The following ALK variants were observed in gnomAD, a reference collection of about 807,000 sequenced individuals.
ALK encodes ALK receptor tyrosine kinase.
In ALK, 74 loss-of-function variants were observed where a neutral mutation model predicts 163.1. That is an observed-to-expected ratio of 0.45 (90% CI 0.38 to 0.55). The LOEUF is 0.55. Ranked by LOEUF, ALK falls within the 20% of genes least tolerant of loss-of-function variation. The probability of loss-of-function intolerance (pLI) is 0.00; values close to 1 mark genes in which losing one functional copy is unlikely to be tolerated. For synonymous variants in ALK, 960 were observed against 843.2 expected, an observed-to-expected ratio of 1.14 and a Z score of -2.40; for missense variants, 2,063 against 2,105.3, an observed-to-expected ratio of 0.98 and a Z score of 0.39.
intron 4 of ALK, among the ~76,000 whole-genome samples, chr2:29,433,482 G>C (rs140260339): frequency 6.6e-6 from 1 of 152,302 alleles, no homozygotes; most frequent in East Asian, 1.9e-4. Flanking sequence ...TCGAGGCCTT[G>C]CTGAAGTGCC....
At chr2:29,626,611 T>C (rs942927759) in intron 3 of ALK, among the ~76,000 whole-genome samples, 1 of 152,234 alleles carries the variant, frequency 6.6e-6, no homozygotes, top group African/African-American at 2.4e-5. Context: ...ATTTGCGTCC[T>C]GTAATAAGAG....
chr2:29,907,166 T>C (rs1156661337), intron 1 of ALK: 1 of 152,064 alleles, frequency 6.6e-6, no homozygotes, highest in Non-Finnish European at 1.5e-5. Flanking sequence ...TATAACGGCA[T>C]CTAAGTCCTG....
At chr2:29,437,099 G>A (rs4429430) in intron 4 of ALK, among the ~76,000 whole-genome samples, 4,463 of 152,204 alleles carry the variant, frequency 0.029, 219 homozygotes, top group African/African-American at 0.1. Context: ...TCTTAGAAGC[G>A]GAAATCACTC....
chr2:29,776,411 A>C (rs1388511538), intron 1 of ALK, among the ~76,000 whole-genome samples: 1 of 23,150 alleles, frequency 4.3e-5, no homozygotes, highest in African/African-American at 5.6e-5. Flanking sequence ...GTTGAGCAAG[A>C]AACAGTGGCA....
intron 4 of ALK, among the ~76,000 whole-genome samples, chr2:29,418,611 T>C (rs781442313): frequency 6.6e-6 from 1 of 152,210 alleles, no homozygotes; most frequent in Non-Finnish European, 1.5e-5. Context: ...ACCCACTGTT[T>C]AGCTCCCACG....
Position 29,317,701 on chromosome 2 carries a change from G to C in ALK, c.1647+603C>G, listed in dbSNP as rs530599681. 2.6e-5 allele frequency among the ~76,000 whole-genome samples: 4 copies of C among 152,330 alleles called. No homozygotes were observed. The East Asian group carries it at 5.8e-4, about 22-fold the overall frequency. ...AGTGGTGGAACCCGACTTGGACTCA[G>C]AAATTTGATTCTAGAGTCCATGAGC... On this transcript the variant is annotated intron_variant, in intron 8 of 28. Coordinates refer to ENST00000389048, the MANE Select transcript of ALK (RefSeq NM_004304.5).
chr2:29,433,701 T>C (rs1321722663), intron 4 of ALK, among the ~76,000 whole-genome samples: 2 of 150,914 alleles, frequency 1.3e-5, no homozygotes, highest in Non-Finnish European at 3.0e-5. Context: ...GGCCTGGGAG[T>C]CATAGTTTGT....
At position 29,658,661 on chromosome 2, in the gene ALK, T is replaced by C. The variant is rs892839233; in HGVS notation, c.952+36189A>G. Among the ~76,000 whole-genome samples the C allele has an allele frequency of 7.9e-5, 12 of 152,304 alleles. No homozygotes were observed. In the South Asian group the frequency reaches 8.3e-4, roughly 11 times the overall value. Reference sequence around the variant, plus strand: ...TACTAGCATGATTTCTAAAGATGTGTAATATGCAAGTGTGACGAGTGCCAT... The same window carrying C: ...TACTAGCATGATTTCTAAAGATGTGCAATATGCAAGTGTGACGAGTGCCAT... On this transcript the variant is annotated intron_variant, in intron 3 of 28. Coordinates refer to ENST00000389048, the MANE Select transcript of ALK (RefSeq NM_004304.5).
intron 1 of ALK, among the ~76,000 whole-genome samples, chr2:29,791,822 T>C (rs1664197820): frequency 6.6e-6 from 1 of 152,216 alleles, no homozygotes; most frequent in African/African-American, 2.4e-5. Flanking sequence ...ACAGTCTTTG[T>C]CATTCATCAT....
intron 3 of ALK, among the ~76,000 whole-genome samples, chr2:29,541,274 T>A (rs960916504): frequency 6.6e-6 from 1 of 152,206 alleles, no homozygotes; most frequent in South Asian, 2.1e-4. Flanking sequence ...AACCCAAACC[T>A]CTCCAAAGCT....
chr2:29,247,808 A>G (rs952767164), intron 12 of ALK, among the ~76,000 whole-genome samples: 4 of 152,014 alleles, frequency 2.6e-5, no homozygotes, highest in African/African-American at 9.7e-5. Context: ...GGTGGCAGCC[A>G]TGCCTCCAGG....
intron 1 of ALK, among the ~76,000 whole-genome samples, chr2:29,747,775 A>G (rs1680242857): frequency 6.6e-6 from 1 of 152,168 alleles, no homozygotes; most frequent in Admixed American, 6.5e-5. Context: ...ACCAAATCCA[A>G]TACCTTTTCA....
chr2:29,225,597 A>G (rs1331708125), intron 18 of ALK, 32 bp from the exon 19 acceptor site: 2 of 1,569,136 alleles, frequency 1.3e-6, no homozygotes, highest in Admixed American at 1.8e-5. Context: ...GGTATTGACA[A>G]CCACACCAGG....
intron 1 of ALK, among the ~76,000 whole-genome samples, chr2:29,761,850 G>T (rs1680712089): frequency 6.6e-6 from 1 of 152,164 alleles, no homozygotes; most frequent in Non-Finnish European, 1.5e-5. Context: ...AGCTTAGAAG[G>T]ACTCCAAGCC....
At chr2:29,548,344 G>A (rs1302726699) in intron 3 of ALK, among the ~76,000 whole-genome samples, 1 of 152,052 alleles carries the variant, frequency 6.6e-6, no homozygotes, top group African/African-American at 2.4e-5. Flanking sequence ...GTGGTGGCGT[G>A]CACCTGTAAT....
chr2:29,649,446 A>G (rs527469435), intron 3 of ALK, among the ~76,000 whole-genome samples: 1 of 152,246 alleles, frequency 6.6e-6, no homozygotes, highest in East Asian at 1.9e-4. Context: ...AAAAATTCAA[A>G]GCCAATTGGA....
chr2:29,262,355 T>G (rs1665109329), intron 11 of ALK, among the ~76,000 whole-genome samples: 1 of 152,216 alleles, frequency 6.6e-6, no homozygotes, highest in African/African-American at 2.4e-5. Flanking sequence ...GGTACACACA[T>G]GTGTGTGCTT....
At chr2:29,196,659 T>A (rs2148141395) in intron 28 of ALK, 111 bp downstream of exon 28, 1 of 834,230 alleles carries the variant, frequency 1.2e-6, no homozygotes, top group Non-Finnish European at 2.1e-6. Context: ...ACTATTTTGA[T>A]CATAAATCTT....
rs942862853 is a variant in ALK at position 29,771,671 on chromosome 2, A to G, written c.668-53974T>C. Among the ~76,000 whole-genome samples the G allele has an allele frequency of 9.8e-4, 149 of 152,036 alleles. 3 individuals carry two copies. The highest frequency in any genetic ancestry group is 9.4e-4 in the Non-Finnish European group (64 of 68,006). ...TGCCTCAGCCTCCCGAGTAGCTGGGACTACAGGCGCCTGCCACCATGCCCC... is the reference window on the plus strand; with the variant it reads ...TGCCTCAGCCTCCCGAGTAGCTGGGGCTACAGGCGCCTGCCACCATGCCCC... On this transcript the variant is annotated intron_variant, in intron 1 of 28. Coordinates refer to ENST00000389048, the MANE Select transcript of ALK (RefSeq NM_004304.5).
Sources: gnomAD v4.1 joint callset for allele counts (sites outside exome capture counted in the v4.1 genomes callset) on GRCh38, gnomAD v4.1.1 for gene constraint, MANE v1.5 for transcripts, NCBI Gene and HGNC (gene_info 2026-07-23, HGNC 2026-07-21) for gene names.